The following FSTL5 variants were observed in gnomAD, a reference collection of about 807,000 sequenced individuals.
FSTL5 encodes follistatin like 5, also known as follistatin-related protein 5.
In FSTL5, 62 loss-of-function variants were observed where a neutral mutation model predicts 89.1. The ratio of observed to expected loss-of-function variants is 0.70; its 90% CI spans 0.57 to 0.86. The LOEUF is 0.86. Ranked by LOEUF, FSTL5 falls within the 40% of genes least tolerant of loss-of-function variation. The pLI is 0.00. For missense variants in FSTL5, 1,057 were observed against 1,001.6 expected (o/e 1.06, Z -0.75); for synonymous variants, 383 against 346.2 (o/e 1.11, Z -1.18).
intron 2 of FSTL5, among the ~76,000 whole-genome samples, chr4:162,057,916 C>T (rs1738599424): frequency 6.6e-6 from 1 of 151,986 alleles, no homozygotes; most frequent in South Asian, 2.1e-4. Flanking sequence ...TGCACTCCAG[C>T]CTGGGTAAGA....
In FSTL5 at chr4:161,625,686, G is replaced by A. The variant is rs745354750; in HGVS notation, c.894+30642C>T. Among the ~76,000 whole-genome samples, 15 of 152,198 alleles carry A rather than the reference G, an allele frequency of 9.9e-5. No homozygotes were observed. The South Asian group carries it at 3.1e-3, about 32-fold the overall frequency. On this transcript the variant is annotated intron_variant, in intron 7 of 15. Transcript: ENST00000306100. ...TCATTTTAAATCAAAAACTAGAAAT[G>A]ATGAAGGTAAGTGGGAGAGGCATGT...
intron 4 of FSTL5, among the ~76,000 whole-genome samples, chr4:161,825,886 G>T (rs1730652529): frequency 6.6e-6 from 1 of 151,554 alleles, no homozygotes; most frequent in African/African-American, 2.4e-5. Context: ...ATTTAGTTCT[G>T]CTTTGATCTT....
chr4:161,490,673 G>GA (rs1729838447), intron 12 of FSTL5, among the ~76,000 whole-genome samples: 1 of 152,096 alleles, frequency 6.6e-6, no homozygotes, highest in East Asian at 1.9e-4. Flanking sequence ...ACTATTGACT[G>GA]AAAAAATTAC....
At chr4:161,410,458 T>C (rs1234658569) in intron 15 of FSTL5, among the ~76,000 whole-genome samples, 1 of 152,098 alleles carries the variant, frequency 6.6e-6, no homozygotes, top group Non-Finnish European at 1.5e-5. Flanking sequence ...TATTCTAAGA[T>C]CAACAAAATG....
chr4:162,146,342 A>G (rs1732985070), intron 1 of FSTL5, among the ~76,000 whole-genome samples: 1 of 152,208 alleles, frequency 6.6e-6, no homozygotes, highest in Non-Finnish European at 1.5e-5. Flanking sequence ...GAAGGATCAA[A>G]AATAGAATTT....
intron 1 of FSTL5, among the ~76,000 whole-genome samples, chr4:162,154,038 C>T (rs1733372140): frequency 6.6e-6 from 1 of 151,728 alleles, no homozygotes; most frequent in East Asian, 1.9e-4. Context: ...AACTCCTGAT[C>T]TCGGGTGATC....
rs921535157 is a variant in FSTL5, at chr4:161,581,103, A to G, written c.1015+6352T>C. Among the ~76,000 whole-genome samples the G allele has an allele frequency of 4.6e-5, 7 of 152,320 alleles. No homozygotes were observed. In the South Asian group the frequency reaches 1.5e-3, roughly 32 times the overall value. On this transcript the variant is annotated intron_variant, in intron 8 of 15. Transcript: ENST00000306100. ...AAGAATAAAGAGTTGAAGAATATGA[A>G]GAAGGGAAACATATTCCCACCTGTC...
At chr4:162,160,070 C>T (rs1468757126) in intron 1 of FSTL5, among the ~76,000 whole-genome samples, 2 of 115,798 alleles carry the variant, frequency 1.7e-5, no homozygotes, top group African/African-American at 6.4e-5. Flanking sequence ...CATGTTTATT[C>T]TAGAGTAGAA....
Position 161,437,335 on chromosome 4 carries a change from G to A in FSTL5, c.1841+17669C>T, listed in dbSNP as rs190526282. ...TAATCCCAGCACTTTGGGAGGCCGAGGCGGGCGGATTACGAGGTCAGGAGA... is the reference window on the plus strand; with the variant it reads ...TAATCCCAGCACTTTGGGAGGCCGAAGCGGGCGGATTACGAGGTCAGGAGA... On this transcript the variant is annotated intron_variant, in intron 15 of 15. Coordinates refer to ENST00000306100, the MANE Select transcript of FSTL5 (RefSeq NM_020116.5). Among the ~76,000 whole-genome samples, 45 of 152,132 alleles carry A rather than the reference G, an allele frequency of 3.0e-4. No individual in the cohort carries two copies. The East Asian group carries it at 4.1e-3, about 14-fold the overall frequency.
intron 1 of FSTL5, among the ~76,000 whole-genome samples, chr4:162,117,479 G>T (rs1181196436): frequency 6.6e-6 from 1 of 152,108 alleles, no homozygotes; most frequent in Non-Finnish European, 1.5e-5. Context: ...ACCTGTTTGG[G>T]GTTCTTAACA....
intron 7 of FSTL5, among the ~76,000 whole-genome samples, chr4:161,624,853 C>A (rs185593295): frequency 1.6e-3 from 242 of 152,218 alleles, no homozygotes; most frequent in African/African-American, 5.4e-3. Context: ...TGAATTTGGA[C>A]ATATTTGCTG....
At chr4:161,521,860 A>G (rs1560935909) in intron 10 of FSTL5, among the ~76,000 whole-genome samples, 3 of 128,738 alleles carry the variant, frequency 2.3e-5, no homozygotes, top group Non-Finnish European at 5.2e-5. Context: ...AAAAAAAAAA[A>G]AAAAGAAAAA....
Position 161,412,187 on chromosome 4 carries a change from G to T in FSTL5, c.1842-25738C>A, listed in dbSNP as rs184771951. 5.3e-5 allele frequency among the ~76,000 whole-genome samples: 8 copies of T among 152,202 alleles called. No individual in the cohort carries two copies. In the East Asian group the frequency reaches 1.5e-3, roughly 29 times the overall value. ...TAGAAGACTGCTGAAAGAAATCAGA[G>T]ATGGCACAAATTAATAGAAATACAT... On this transcript the variant is annotated intron_variant, in intron 15 of 15. Coordinates refer to ENST00000306100, the MANE Select transcript of FSTL5 (RefSeq NM_020116.5).
intron 7 of FSTL5, among the ~76,000 whole-genome samples, chr4:161,627,358 T>C (rs183365905): frequency 9.2e-5 from 14 of 152,292 alleles, no homozygotes; most frequent in African/African-American, 2.9e-4. Flanking sequence ...AGAAATAACA[T>C]ACTTTTAATT....
intron 4 of FSTL5, among the ~76,000 whole-genome samples, chr4:161,852,395 T>A (rs1731581430): frequency 6.6e-6 from 1 of 152,174 alleles, no homozygotes; most frequent in Non-Finnish European, 1.5e-5. Flanking sequence ...CTTGCCTTAA[T>A]CAAAACCACA....
At chr4:161,828,575 T>A (rs1730740655) in intron 4 of FSTL5, among the ~76,000 whole-genome samples, 1 of 152,296 alleles carries the variant, frequency 6.6e-6, no homozygotes, top group African/African-American at 2.4e-5. Flanking sequence ...AGCTATTATT[T>A]AATTTTAGGA....
At chr4:162,052,851 T>C (rs1240048548) in intron 2 of FSTL5, among the ~76,000 whole-genome samples, 1 of 151,898 alleles carries the variant, frequency 6.6e-6, no homozygotes, top group Non-Finnish European at 1.5e-5. Context: ...ATAGTCATTG[T>C]GTTGTATAAT....
intron 4 of FSTL5, among the ~76,000 whole-genome samples, chr4:161,819,185 TAAC>T (rs1730419185): frequency 1.3e-5 from 2 of 152,102 alleles, no homozygotes; most frequent in African/African-American, 4.8e-5. Context: ...TATCTAATAA[TAAC>T]TAAGTTGAAA....
chr4:161,562,293 G>A (rs894312392), intron 8 of FSTL5, among the ~76,000 whole-genome samples: 1 of 151,914 alleles, frequency 6.6e-6, no homozygotes, highest in African/African-American at 2.4e-5. Flanking sequence ...TTCACACGCA[G>A]GATGATTTTG....
Sources: gnomAD v4.1 joint callset for allele counts (sites outside exome capture counted in the v4.1 genomes callset) on GRCh38, gnomAD v4.1.1 for gene constraint, MANE v1.5 for transcripts, NCBI Gene and HGNC (gene_info 2026-07-23, HGNC 2026-07-21) for gene names.